Variants in NUP214 observed in about 807,000 individuals in gnomAD.
NUP214 encodes the protein nucleoporin 214.
NUP214 carries 79 observed loss-of-function variants against 196.2 expected under a neutral mutation model. The observed-to-expected ratio is 0.40, with a 90% confidence interval of 0.34 to 0.49. The LOEUF is 0.49. Ranked by LOEUF, NUP214 falls within the 20% of genes least tolerant of loss-of-function variation. NUP214 has a pLI of 0.58. For missense variants in NUP214, 2,468 were observed against 2,539.0 expected (o/e 0.97, Z 0.60); for synonymous variants, 1,020 against 990.5 (o/e 1.03, Z -0.56).
At chr9:131,175,729 A>G (rs1266586543) in intron 23 of NUP214, 108 bp downstream of exon 23, 1 of 1,413,958 alleles carries the variant, frequency 7.1e-7, no homozygotes. Context: ...GGTGCCCTTC[A>G]GAAGAGAAGA....
intron 12 of NUP214, among the ~76,000 whole-genome samples, chr9:131,145,224 G>A (rs950920862): frequency 2.0e-4 from 31 of 152,120 alleles, no homozygotes; most frequent in Admixed American, 5.9e-4. Context: ...ATGAAGCCCC[G>A]TGGCTGCTCA....
At chr9:131,140,443 C>A (rs1299624499) in intron 10 of NUP214, 106 bp from the exon 11 acceptor site, 6 of 881,264 alleles carry the variant, frequency 6.8e-6, no homozygotes, top group African/African-American at 3.4e-5. Context: ...AGCTGCTATT[C>A]AGATGAGTCC....
At chr9:131,169,034 G>GTTTTTTTTTTTTTT (rs58054099) in intron 21 of NUP214, among the ~76,000 whole-genome samples, 4 of 124,130 alleles carry the variant, frequency 3.2e-5, no homozygotes, top group African/African-American at 9.2e-5. Flanking sequence ...GTTTTTTTTT[G>GTTTTTTTTTTTTTT]TTTTTTTTTT....
At chr9:131,223,076 A>G in intron 32 of NUP214, 146 bp downstream of exon 32, 1 of 640,246 alleles carries the variant, frequency 1.6e-6, no homozygotes, top group Non-Finnish European at 2.5e-6. Flanking sequence ...CATTATTTTT[A>G]TATTTACTGA....
intron 11 of NUP214, among the ~76,000 whole-genome samples, chr9:131,142,204 C>T (rs1366941177): frequency 6.6e-6 from 1 of 152,156 alleles, no homozygotes; most frequent in East Asian, 1.9e-4. Flanking sequence ...CCTGGTGTGT[C>T]TGTAATAAGC....
rs1196910598 is a variant in NUP214 at position 131,197,516 on chromosome 9, A to G, written c.4022A>G (p.Gln1341Arg). Residue 1341 changes from glutamine (Q) to arginine (R), a missense_variant, in exon 29 of 36, where the codon CAA becomes CGA. Physicochemically the swap from Gln to Arg is conservative, Grantham distance 43. Coordinates refer to ENST00000359428, the MANE Select transcript of NUP214 (RefSeq NM_005085.4). ...LGSFSGLRVG[Q>R]ADDSTKPTNK... is the part of the protein sequence containing the mutation. ...AGTTTTTCAGGACTGCGGGTTGGCC[A>G]AGCAGATGATTCTACAAAACCAACC... 1.2e-6 allele frequency: 2 copies of G among 1,614,064 alleles called. No homozygotes were observed. Among genetic ancestry groups the G allele is most frequent in the Admixed American group, 3.3e-5 (2 of 60,004 alleles).
intron 34 of NUP214, among the ~76,000 whole-genome samples, chr9:131,231,522 C>T (rs796104698): frequency 4.4e-4 from 66 of 151,478 alleles, no homozygotes; most frequent in African/African-American, 1.6e-3. Flanking sequence ...AACACTGTGT[C>T]ATTTCTTACC....
In NUP214 at chr9:131,135,020, G is replaced by A. The variant is rs1831676513; in HGVS notation, c.938+16G>A. 1 of 1,540,576 alleles carries A rather than the reference G, an allele frequency of 6.5e-7. No individual in the cohort carries two copies. The highest frequency in any genetic ancestry group is 9.0e-7 in the Non-Finnish European group (1 of 1,113,722). ...TTGAGGAATGGTGAGCAGAGAGTCT[G>A]GACAGGGCATTCCTGCTCTCACTGG... On this transcript the variant is annotated intron_variant, in intron 8 of 35. Transcript: ENST00000359428.
At chr9:131,228,372 G>A (rs11244329) in intron 33 of NUP214, 41 bp downstream of exon 33, 329,092 of 1,549,576 alleles carry the variant, frequency 0.21, 36,369 homozygotes, top group East Asian at 0.22. Flanking sequence ...CCACACGCCA[G>A]CCAAAAAGCA....
At chr9:131,159,526 A>G in intron 18 of NUP214, 40 bp downstream of exon 18, 1 of 1,458,480 alleles carries the variant, frequency 6.9e-7, no homozygotes, top group Non-Finnish European at 9.6e-7. Context: ...TGGAATAGAT[A>G]TTGCTATTGC....
rs1832688444 is a variant in NUP214, at chr9:131,163,063, G to A, written c.2613G>A (p.Gln871=). 1 of 1,614,088 alleles carries A rather than the reference G, an allele frequency of 6.2e-7. No homozygotes were observed. Among genetic ancestry groups the A allele is most frequent in the African/African-American group, 1.3e-5 (1 of 74,938 alleles). The part of the protein sequence containing the change: ...LANNREIINQ[Q]RKRLNHLVDS... The stretch of plus-strand genomic sequence containing the variant: ...ACAATCGGGAAATCATCAACCAACA[G>A]AGGAAGAGGCTGAATCACCTGGTGG... The change falls in exon 19 of 36, where the codon CAG becomes CAA. Residue 871 remains glutamine, a synonymous_variant. Coordinates refer to ENST00000359428, the MANE Select transcript of NUP214 (RefSeq NM_005085.4).
chr9:131,183,100 C>T (rs188416651), intron 24 of NUP214, among the ~76,000 whole-genome samples: 2 of 152,174 alleles, frequency 1.3e-5, no homozygotes, highest in Non-Finnish European at 2.9e-5. Context: ...CCCCACTACC[C>T]CCCAGATGGA....
At chr9:131,219,727 T>G (rs144145708) in intron 31 of NUP214, among the ~76,000 whole-genome samples, 1 of 152,308 alleles carries the variant, frequency 6.6e-6, no homozygotes, top group East Asian at 1.9e-4. Context: ...TCTTTCTGTT[T>G]AGGGTCCTGA....
Position 131,159,388 on chromosome 9 carries a change from T to C in NUP214, c.2442T>C (p.Ile814=). 1.9e-6 allele frequency: 3 copies of C among 1,612,426 alleles called. No homozygotes were observed. Among genetic ancestry groups the C allele is most frequent in the Non-Finnish European group, 2.5e-6 (3 of 1,179,372 alleles). ...TTTTAATTTTTTTCTTATAGGAAAT[T>C]CGGCGCCTTCATCAGTATGTGAAAT... ...DPKSEAQLQE[I]RRLHQYVKFA... is the part of the protein sequence containing the mutation. Residue 814 remains isoleucine, a synonymous_variant, in exon 18 of 36, where the codon ATT becomes ATC. Transcript: ENST00000359428.
At chr9:131,215,400 G>T (rs1411136973) in intron 31 of NUP214, 32 bp downstream of exon 31, 2 of 1,517,100 alleles carry the variant, frequency 1.3e-6, no homozygotes, top group Non-Finnish European at 8.8e-7. Context: ...CAGTCCCTTG[G>T]TCCCCTAATG....
rs983443024 is a variant in NUP214 at position 131,218,950 on chromosome 9, CCTT to C, written c.5749+3586_5749+3588del. Among the ~76,000 whole-genome samples, 8 of 152,100 alleles carry C rather than the reference CCTT, an allele frequency of 5.3e-5. No individual in the cohort carries two copies. The East Asian group carries it at 5.8e-4, about 11-fold the overall frequency. On this transcript the variant is annotated intron_variant, in intron 31 of 35. Transcript: ENST00000359428. ...CCCTGCACCCACCTTCTGAGCCTGT[CCTT>C]CTTTAAAAGATGAATGCAAGGCTGT...
At chr9:131,213,178 C>CT (rs1056468207) in intron 30 of NUP214, among the ~76,000 whole-genome samples, 11,407 of 141,138 alleles carry the variant, frequency 0.081, 522 homozygotes, top group Non-Finnish European at 0.11. Flanking sequence ...TATCAAATCA[C>CT]TTTTTTTTTT....
At chr9:131,135,072 C>T in intron 8 of NUP214, 68 bp downstream of exon 8, 1 of 1,095,442 alleles carries the variant, frequency 9.1e-7, no homozygotes, top group South Asian at 1.3e-5. Context: ...CACCTTGTCC[C>T]ATGTTGAAAT....
At chr9:131,139,462 A>G in intron 10 of NUP214, 55 bp downstream of exon 10, 1 of 1,580,552 alleles carries the variant, frequency 6.3e-7, no homozygotes, top group Non-Finnish European at 8.6e-7. Flanking sequence ...GTTAGGGTTA[A>G]TATTGAAACA....
Sources: allele counts gnomAD v4.1 joint callset (sites outside exome capture counted in the v4.1 genomes callset), GRCh38; gene constraint gnomAD v4.1.1; transcripts MANE v1.5; gene names NCBI Gene and HGNC (gene_info 2026-07-23, HGNC 2026-07-21).